Variants in DNM3 observed in about 807,000 individuals in gnomAD.
DNM3 encodes dynamin-3.
In DNM3, 47 loss-of-function variants were observed where a neutral mutation model predicts 101.6. The observed-to-expected ratio is 0.46, with a 90% CI of 0.37 to 0.59. The LOEUF (loss-of-function observed/expected upper bound fraction) is 0.59, where lower values mean the gene tolerates loss of function less well. Ranked by LOEUF, DNM3 falls within the 20% of genes least tolerant of loss-of-function variation. DNM3 has a pLI of 0.00. For missense variants in DNM3, 849 were observed against 1,085.7 expected (o/e 0.78, Z 3.06); for synonymous variants, 385 against 387.9 (o/e 0.99, Z 0.09).
intron 16 of DNM3, among the ~76,000 whole-genome samples, chr1:172,314,998 G>A (rs1234546267): frequency 1.3e-5 from 2 of 152,140 alleles, no homozygotes. Flanking sequence ...CCCCAGTAGG[G>A]GCAGACTGAC....
At chr1:171,976,952 T>A (rs1176798880) in intron 2 of DNM3, among the ~76,000 whole-genome samples, 1 of 149,512 alleles carries the variant, frequency 6.7e-6, no homozygotes, top group African/African-American at 2.6e-5. Context: ...TCTATTGTAT[T>A]TTTTTGTATT....
In DNM3 at chr1:172,126,702, G is replaced by A. The variant is rs991266342; in HGVS notation, c.1546-4473G>A. ...CTCTGAAAACTCCATTCTTGTCTTC[G>A]TTTACACGGTACCTGCTTTTTTTTT... On this transcript the variant is annotated intron_variant, in intron 13 of 20. Transcript: ENST00000627582. 5.3e-5 allele frequency among the ~76,000 whole-genome samples: 8 copies of A among 151,128 alleles called. No individual in the cohort carries two copies. In the East Asian group the frequency reaches 1.2e-3, roughly 22 times the overall value.
intron 15 of DNM3, among the ~76,000 whole-genome samples, chr1:172,271,233 A>G (rs893280484): frequency 2.8e-4 from 43 of 152,132 alleles, no homozygotes; most frequent in African/African-American, 9.4e-4. Flanking sequence ...AAACTAGCAA[A>G]TGCTAAAATC....
chr1:172,161,317 G>A (rs539896556), intron 14 of DNM3, among the ~76,000 whole-genome samples: 58 of 151,884 alleles, frequency 3.8e-4, no homozygotes, highest in African/African-American at 1.4e-3. Context: ...CACTAGGAAG[G>A]AAGACAACAG....
At chr1:172,060,937 CA>C in intron 10 of DNM3, among the ~76,000 whole-genome samples, 1 of 107,146 alleles carries the variant, frequency 9.3e-6, no homozygotes, top group Non-Finnish European at 1.8e-5. Flanking sequence ...AAAATTTTCG[CA>C]ACCTACTCAT....
intron 1 of DNM3, among the ~76,000 whole-genome samples, chr1:171,916,116 T>A (rs933467258): frequency 6.6e-6 from 1 of 152,206 alleles, no homozygotes; most frequent in Non-Finnish European, 1.5e-5. Flanking sequence ...GACCACTCAT[T>A]TTCTTCCCCC....
At chr1:172,281,256 A>G (rs2063481051) in intron 15 of DNM3, among the ~76,000 whole-genome samples, 1 of 152,186 alleles carries the variant, frequency 6.6e-6, no homozygotes, top group African/African-American at 2.4e-5. Flanking sequence ...AGGTAAGGTA[A>G]GACACGGAAA....
chr1:172,050,386 C>A (rs2050121336), intron 10 of DNM3, among the ~76,000 whole-genome samples: 1 of 152,194 alleles, frequency 6.6e-6, no homozygotes, highest in South Asian at 2.1e-4. Context: ...ATTATCCTGT[C>A]TTCTTTACAA....
intron 1 of DNM3, among the ~76,000 whole-genome samples, chr1:171,899,064 A>C (rs2038073384): frequency 6.6e-6 from 1 of 152,168 alleles, no homozygotes; most frequent in Admixed American, 6.5e-5. Flanking sequence ...ACGCTTGCCT[A>C]GCTGGGCTGA....
chr1:172,040,501 C>G (rs1477598780), intron 7 of DNM3, among the ~76,000 whole-genome samples: 2 of 149,064 alleles, frequency 1.3e-5, no homozygotes, highest in Non-Finnish European at 3.0e-5. Flanking sequence ...GTGTTTCTTT[C>G]TTTCTTTCTT....
At chr1:172,203,266 T>C (rs1053098240) in intron 14 of DNM3, among the ~76,000 whole-genome samples, 1 of 152,146 alleles carries the variant, frequency 6.6e-6, no homozygotes, top group Non-Finnish European at 1.5e-5. Flanking sequence ...TTCCAGACGC[T>C]GTGTTTAGAT....
intron 10 of DNM3, among the ~76,000 whole-genome samples, chr1:172,057,235 GA>G (rs1485796554): frequency 6.6e-6 from 1 of 152,240 alleles, no homozygotes; most frequent in Non-Finnish European, 1.5e-5. Context: ...ACCTGAAAGT[GA>G]CGGGGAGAAT....
intron 13 of DNM3, among the ~76,000 whole-genome samples, chr1:172,123,477 A>G (rs913801134): frequency 6.6e-6 from 1 of 152,166 alleles, no homozygotes; most frequent in South Asian, 2.1e-4. Context: ...GCATTCAGGA[A>G]ATACTGGATG....
chr1:171,880,463 T>C (rs893983900), intron 1 of DNM3, among the ~76,000 whole-genome samples: 1 of 152,210 alleles, frequency 6.6e-6, no homozygotes, highest in African/African-American at 2.4e-5. Context: ...GTGCATTTAA[T>C]TGGGATTATT....
intron 20 of DNM3, among the ~76,000 whole-genome samples, chr1:172,400,468 CAGGAGAAA>C (rs1467232511): frequency 2.6e-5 from 4 of 151,550 alleles, no homozygotes; most frequent in Non-Finnish European, 5.9e-5. Context: ...AGGGGCAGGA[CAGGAGAAA>C]AGGAGGAAAG....
At chr1:172,100,899 C>A (rs2054596182) in intron 13 of DNM3, among the ~76,000 whole-genome samples, 1 of 152,188 alleles carries the variant, frequency 6.6e-6, no homozygotes, top group Non-Finnish European at 1.5e-5. Flanking sequence ...TTGAATCCAG[C>A]AGAAATAAGA....
chr1:172,075,061 A>C (rs982478762), intron 11 of DNM3, among the ~76,000 whole-genome samples: 1 of 152,064 alleles, frequency 6.6e-6, no homozygotes, highest in African/African-American at 2.4e-5. Context: ...GCATTTCTCT[A>C]ATGACCAGTG....
chr1:172,186,215 C>T (rs1259177929), intron 14 of DNM3, among the ~76,000 whole-genome samples: 7 of 151,958 alleles, frequency 4.6e-5, no homozygotes, highest in Admixed American at 2.0e-4. Context: ...TTTTTGCTTA[C>T]GACCAACCAA....
chr1:172,345,559 C>CA (rs1325702423), intron 17 of DNM3, among the ~76,000 whole-genome samples: 1 of 152,172 alleles, frequency 6.6e-6, no homozygotes, highest in East Asian at 1.9e-4. Context: ...ATCACACATA[C>CA]ATATACATAC....
Sources: allele counts gnomAD v4.1 joint callset (sites outside exome capture counted in the v4.1 genomes callset), GRCh38; gene constraint gnomAD v4.1.1; transcripts MANE v1.5; gene names NCBI Gene and HGNC (gene_info 2026-07-23, HGNC 2026-07-21).